LRRC4C: variants seen among roughly 807,000 people sequenced by gnomAD.
LRRC4C encodes the protein leucine rich repeat containing 4C.
A neutral mutation model predicts 33.6 loss-of-function variants in LRRC4C; 5 were observed. The ratio of observed to expected loss-of-function variants is 0.15; its 90% CI spans 0.08 to 0.31. The LOEUF is 0.31. Among genes scored for constraint, LRRC4C ranks in the 10% least tolerant of loss-of-function variants. The pLI, the probability that LRRC4C is intolerant of heterozygous loss-of-function variation, is 1.00. For missense variants in LRRC4C, 560 were observed against 796.7 expected (o/e 0.70, Z 3.58); for synonymous variants, 329 against 302.0 (o/e 1.09, Z -0.93).
chr11:40,215,975 C>G (rs1438236908), intron 5 of LRRC4C, among the ~76,000 whole-genome samples: 1 of 152,158 alleles, frequency 6.6e-6, no homozygotes, highest in Non-Finnish European at 1.5e-5. Context: ...AGCTGAGAAA[C>G]ATGGCCTTCT....
intron 4 of LRRC4C, among the ~76,000 whole-genome samples, chr11:40,247,113 CTTT>C (rs11362328): frequency 6.7e-6 from 1 of 148,586 alleles, no homozygotes; most frequent in Admixed American, 6.8e-5. Flanking sequence ...CCTTTTCTCT[CTTT>C]TTTTTTTTTT....
At chr11:40,275,967 T>C (rs1234804397) in intron 4 of LRRC4C, among the ~76,000 whole-genome samples, 1 of 152,058 alleles carries the variant, frequency 6.6e-6, no homozygotes, top group African/African-American at 2.4e-5. Flanking sequence ...CAATTACTTA[T>C]GCAAAACAGG....
intron 2 of LRRC4C, among the ~76,000 whole-genome samples, chr11:40,883,615 T>C (rs1955292309): frequency 1.3e-5 from 2 of 152,024 alleles, no homozygotes; most frequent in African/African-American, 2.4e-5. Context: ...TATATCAACA[T>C]ATATATTGCA....
chr11:40,859,848 G>T (rs933463308), intron 2 of LRRC4C, among the ~76,000 whole-genome samples: 1 of 152,158 alleles, frequency 6.6e-6, no homozygotes, highest in Non-Finnish European at 1.5e-5. Flanking sequence ...AGGCCGAGGC[G>T]GGCGGATCGC....
chr11:40,654,180 C>T (rs1251406310), intron 2 of LRRC4C, among the ~76,000 whole-genome samples: 1 of 152,192 alleles, frequency 6.6e-6, no homozygotes, highest in African/African-American at 2.4e-5. Context: ...TTGGAACTCC[C>T]ACACAGAGTC....
intron 3 of LRRC4C, among the ~76,000 whole-genome samples, chr11:40,625,893 AAGG>A (rs1962882388): frequency 1.3e-5 from 2 of 152,210 alleles, no homozygotes; most frequent in African/African-American, 4.8e-5. Flanking sequence ...TGATCTTTCT[AAGG>A]AGACCTTCCT....
intron 3 of LRRC4C, among the ~76,000 whole-genome samples, chr11:40,322,288 C>G (rs567623393): frequency 6.6e-6 from 1 of 152,020 alleles, no homozygotes; most frequent in African/African-American, 2.4e-5. Context: ...CTCTGTCACT[C>G]AGGCTGGAGT....
At chr11:40,313,521 C>T (rs925228172) in intron 4 of LRRC4C, among the ~76,000 whole-genome samples, 2 of 150,704 alleles carry the variant, frequency 1.3e-5, no homozygotes, top group South Asian at 2.1e-4. Context: ...CAAAAATCTA[C>T]TCAAATGGAT....
chr11:40,319,917 A>G (rs1945756809), intron 3 of LRRC4C, among the ~76,000 whole-genome samples, 196 bp from the exon 4 acceptor site: 1 of 152,126 alleles, frequency 6.6e-6, no homozygotes, highest in African/African-American at 2.4e-5. Context: ...AAATATGTAT[A>G]TGTATATATG....
At chr11:40,954,039 C>T (rs1958837683) in intron 1 of LRRC4C, among the ~76,000 whole-genome samples, 1 of 151,842 alleles carries the variant, frequency 6.6e-6, no homozygotes. Context: ...GGTGAGAAAG[C>T]AGCAAACTTT....
chr11:40,747,170 C>T (rs745362512), intron 2 of LRRC4C, among the ~76,000 whole-genome samples: 1 of 151,924 alleles, frequency 6.6e-6, no homozygotes, highest in East Asian at 1.9e-4. Flanking sequence ...GGCAGGCATG[C>T]TCGGCCCATT....
chr11:40,295,314 A>G (rs1468874746), intron 4 of LRRC4C, among the ~76,000 whole-genome samples: 1 of 152,172 alleles, frequency 6.6e-6, no homozygotes, highest in Admixed American at 6.5e-5. Flanking sequence ...GATAATTTAA[A>G]CAGTACTATA....
At chr11:41,246,504 G>T (rs1380165532) in intron 1 of LRRC4C, among the ~76,000 whole-genome samples, 1 of 152,182 alleles carries the variant, frequency 6.6e-6, no homozygotes, top group Non-Finnish European at 1.5e-5. Flanking sequence ...CTATAGCTGA[G>T]CTCAGAAGAA....
intron 2 of LRRC4C, among the ~76,000 whole-genome samples, chr11:40,807,545 C>CAG (rs573248663): frequency 2.0e-5 from 3 of 152,332 alleles, no homozygotes; most frequent in South Asian, 4.1e-4. Context: ...TCTGACAGAA[C>CAG]AGAAGCCTTG....
chr11:40,836,918 A>G (rs780870825), intron 2 of LRRC4C, among the ~76,000 whole-genome samples: 4 of 152,130 alleles, frequency 2.6e-5, no homozygotes, highest in African/African-American at 4.8e-5. Flanking sequence ...AGTTCCATCC[A>G]GTTCCTCAAC....
At chr11:40,786,743 T>C (rs1950425480) in intron 2 of LRRC4C, among the ~76,000 whole-genome samples, 1 of 152,048 alleles carries the variant, frequency 6.6e-6, no homozygotes, top group Non-Finnish European at 1.5e-5. Flanking sequence ...CCTATAATCT[T>C]CATTAGTCAA....
intron 5 of LRRC4C, among the ~76,000 whole-genome samples, chr11:40,190,199 G>T (rs867858057): frequency 6.6e-6 from 1 of 152,190 alleles, no homozygotes; most frequent in Admixed American, 6.5e-5. Flanking sequence ...ATCTAGAGGC[G>T]AGTGAATTTA....
intron 2 of LRRC4C, among the ~76,000 whole-genome samples, chr11:40,788,885 G>T (rs1950518882): frequency 6.6e-6 from 1 of 151,960 alleles, no homozygotes; most frequent in Non-Finnish European, 1.5e-5. Context: ...GATGTCAGGA[G>T]GTCGAGACCA....
intron 1 of LRRC4C, among the ~76,000 whole-genome samples, chr11:41,047,598 TA>T (rs1168814968): frequency 1.3e-5 from 2 of 152,092 alleles, no homozygotes; most frequent in Non-Finnish European, 2.9e-5. Flanking sequence ...ATAAAAAATT[TA>T]AAAAAGATTA....
Sources: gnomAD v4.1 joint callset for allele counts (sites outside exome capture counted in the v4.1 genomes callset) on GRCh38, gnomAD v4.1.1 for gene constraint, MANE v1.5 for transcripts, NCBI Gene and HGNC (gene_info 2026-07-23, HGNC 2026-07-21) for gene names.